TRPC6: variants seen among roughly 807,000 people sequenced by gnomAD.
The protein encoded by TRPC6 is short transient receptor potential channel 6.
Under a neutral mutation model 90.7 loss-of-function variants are expected in TRPC6, and 55 were observed. The ratio of observed to expected loss-of-function variants is 0.61; its 90% confidence interval spans 0.49 to 0.76. TRPC6 has a LOEUF of 0.76. Among genes scored for constraint, TRPC6 ranks in the 30% least tolerant of loss-of-function variants. The pLI is 0.00. For synonymous variants in TRPC6, 393 were observed against 393.0 expected (o/e 1.00, Z 0.00); for missense variants, 989 against 1,122.7 (o/e 0.88, Z 1.70).
At position 101,583,718 on chromosome 11, in the gene TRPC6, G is replaced by A. The variant is rs1307421747; in HGVS notation, c.-215C>T. 2.0e-6 allele frequency: 1 copy of A among 495,322 alleles called. No individual in the cohort carries two copies. Among genetic ancestry groups the A allele is most frequent in the Non-Finnish European group, 3.4e-6 (1 of 293,688 alleles). 30.7% of individuals were successfully genotyped at this position (495,322 alleles called of 1,614,324 possible). On this transcript the variant is annotated 5_prime_UTR_variant, in exon 1 of 13. Coordinates refer to ENST00000344327, the MANE Select transcript of TRPC6 (RefSeq NM_004621.6). Reference sequence around the variant, plus strand: ...AAGTCACCACTTAAGGGGGTGCAAAGAGGATCTTGACCTGAGCAGGTCAGG... The same window carrying A: ...AAGTCACCACTTAAGGGGGTGCAAAAAGGATCTTGACCTGAGCAGGTCAGG...
intron 10 of TRPC6, among the ~76,000 whole-genome samples, chr11:101,468,697 G>C (rs1007996918): frequency 3.3e-5 from 5 of 152,114 alleles, no homozygotes; most frequent in Non-Finnish European, 7.4e-5. Context: ...CTCCTGCCTG[G>C]TAACAGCCCC....
intron 2 of TRPC6, among the ~76,000 whole-genome samples, chr11:101,501,130 T>TACATA (rs1555003214): frequency 6.7e-6 from 1 of 148,160 alleles, no homozygotes; most frequent in East Asian, 2.0e-4. Flanking sequence ...CATACATACA[T>TACATA]ACCATGAACA....
intron 1 of TRPC6, among the ~76,000 whole-genome samples, chr11:101,543,134 T>C (rs959112849): frequency 3.9e-5 from 6 of 152,152 alleles, no homozygotes; most frequent in African/African-American, 9.7e-5. Flanking sequence ...CATATGTGAA[T>C]GTCCTTAAGT....
intron 10 of TRPC6, among the ~76,000 whole-genome samples, chr11:101,468,267 A>G (rs886820175): frequency 4.6e-5 from 7 of 152,316 alleles, no homozygotes; most frequent in African/African-American, 1.2e-4. Context: ...AACTAGGGCT[A>G]ATGGCTTAGG....
intron 2 of TRPC6, among the ~76,000 whole-genome samples, chr11:101,493,262 T>A (rs1231108651): frequency 6.6e-6 from 1 of 152,128 alleles, no homozygotes; most frequent in Non-Finnish European, 1.5e-5. Flanking sequence ...ACTTAAAAAA[T>A]TTTCACAAAG....
chr11:101,455,942 T>C (rs1278131530), intron 10 of TRPC6, among the ~76,000 whole-genome samples: 2 of 152,166 alleles, frequency 1.3e-5, no homozygotes, highest in African/African-American at 2.4e-5. Context: ...AGCTGAGTTA[T>C]GGTAACAGCT....
chr11:101,478,430 A>T (rs1304414673), intron 5 of TRPC6, among the ~76,000 whole-genome samples: 2 of 152,068 alleles, frequency 1.3e-5, no homozygotes, highest in Non-Finnish European at 2.9e-5. Flanking sequence ...AAGCATGGGG[A>T]CTAAAGGGAC....
intron 1 of TRPC6, among the ~76,000 whole-genome samples, chr11:101,527,150 T>C (rs1453595925): frequency 2.0e-5 from 3 of 152,120 alleles, no homozygotes; most frequent in Admixed American, 6.5e-5. Flanking sequence ...ATAAAATTTC[T>C]ATTTTTTTAT....
chr11:101,485,581 T>A (rs995496452), intron 4 of TRPC6, among the ~76,000 whole-genome samples: 6 of 129,668 alleles, frequency 4.6e-5, no homozygotes, highest in African/African-American at 2.1e-4. Flanking sequence ...CCTAAACTTT[T>A]TTTTTTTTAA....
chr11:101,537,831 T>G (rs1861087380), intron 1 of TRPC6, among the ~76,000 whole-genome samples: 1 of 152,222 alleles, frequency 6.6e-6, no homozygotes, highest in Non-Finnish European at 1.5e-5. Flanking sequence ...TTTGCTTAGA[T>G]GCCAAATTAT....
intron 4 of TRPC6, among the ~76,000 whole-genome samples, chr11:101,488,504 C>G (rs1016804261): frequency 6.6e-6 from 1 of 152,162 alleles, no homozygotes; most frequent in Non-Finnish European, 1.5e-5. Context: ...AAACTTTCAT[C>G]TCAAATTTTG....
intron 1 of TRPC6, among the ~76,000 whole-genome samples, chr11:101,520,352 C>G (rs1017479869): frequency 1.3e-5 from 2 of 152,146 alleles, no homozygotes; most frequent in African/African-American, 2.4e-5. Context: ...GTTCCCTGTA[C>G]AGCCTGCAGA....
intron 10 of TRPC6, among the ~76,000 whole-genome samples, chr11:101,462,546 C>T (rs193064776): frequency 6.6e-6 from 1 of 152,186 alleles, no homozygotes; most frequent in Admixed American, 6.5e-5. Context: ...AGTTGCATTC[C>T]TAGGTATTTT....
intron 1 of TRPC6, among the ~76,000 whole-genome samples, chr11:101,527,436 T>C (rs926938010): frequency 6.6e-6 from 1 of 152,242 alleles, no homozygotes; most frequent in African/African-American, 2.4e-5. Context: ...GGCTAGTAAG[T>C]GTTCTTACAT....
intron 10 of TRPC6, 36 bp from the exon 11 acceptor site, chr11:101,455,137 T>G: frequency 6.5e-7 from 1 of 1,527,678 alleles, no homozygotes; most frequent in East Asian, 2.3e-5. Context: ...GGATTCCTAC[T>G]TACATTTTCT....
chr11:101,467,496 C>T (rs1026868507), intron 10 of TRPC6, among the ~76,000 whole-genome samples: 1 of 152,204 alleles, frequency 6.6e-6, no homozygotes, highest in Admixed American at 6.5e-5. Context: ...GGTGTGATTA[C>T]TGCCTACATC....
At chr11:101,542,750 TGATA>T (rs533468032) in intron 1 of TRPC6, among the ~76,000 whole-genome samples, 363 of 152,082 alleles carry the variant, frequency 2.4e-3, no homozygotes, top group African/African-American at 8.2e-3. Flanking sequence ...ATAATGAATG[TGATA>T]TATATATAAT....
intron 2 of TRPC6, among the ~76,000 whole-genome samples, chr11:101,495,591 AATTATTATTATTATT>A (rs199580955): frequency 2.7e-4 from 38 of 141,898 alleles, no homozygotes; most frequent in Admixed American, 5.7e-4. Flanking sequence ...GATCAATGGT[AATTATTATTATTATT>A]ATTATTATTA....
chr11:101,465,502 T>A (rs1426756407), intron 10 of TRPC6, among the ~76,000 whole-genome samples: 2 of 152,180 alleles, frequency 1.3e-5, no homozygotes, highest in Non-Finnish European at 2.9e-5. Context: ...ATTCTTTTTT[T>A]TCTAATCTTG....
Sources: gnomAD v4.1 joint callset for allele counts (sites outside exome capture counted in the v4.1 genomes callset) on GRCh38, gnomAD v4.1.1 for gene constraint, MANE v1.5 for transcripts, NCBI Gene and HGNC (gene_info 2026-07-23, HGNC 2026-07-21) for gene names.